DSCC1: variants seen among roughly 807,000 people sequenced by gnomAD.
DSCC1 encodes DNA replication and sister chromatid cohesion 1.
A neutral mutation model predicts 48.2 loss-of-function variants in DSCC1; 32 were observed. That is an observed-to-expected ratio of 0.66 (90% CI 0.50 to 0.89). The LOEUF is 0.89. Ranked by LOEUF, DSCC1 falls within the 40% of genes least tolerant of loss-of-function variation. DSCC1 has a pLI of 0.00. For missense variants in DSCC1, 421 were observed against 471.7 expected (o/e 0.89, Z 1.00); for synonymous variants, 150 against 171.5 (o/e 0.87, Z 0.98).
rs1388446229 is a variant in DSCC1, at chr8:119,850,312, G to T, written c.486+70C>A. ...ATATAACATAAATTTTAAAAAGTAA[G>T]AATGTGACTATTAAGTGCCTCTGAT... On this transcript the variant is annotated intron_variant, in intron 3 of 8. Transcript: ENST00000313655. 3 of 1,433,826 alleles carry T rather than the reference G, an allele frequency of 2.1e-6. No homozygotes were observed. In the African/African-American group the frequency reaches 4.4e-5, roughly 21 times the overall value. The allele number at this position is 1,433,826 out of a possible 1,614,324, so 88.8% of individuals were successfully genotyped here.
intron 5 of DSCC1, 134 bp from the exon 6 acceptor site, chr8:119,842,962 AT>A: frequency 1.4e-6 from 1 of 712,866 alleles, no homozygotes; most frequent in Non-Finnish European, 2.3e-6. Flanking sequence ...GCCAAATATT[AT>A]TTTATTTAAA....
At chr8:119,854,226 C>A (rs959077502) in intron 1 of DSCC1, among the ~76,000 whole-genome samples, 1 of 151,628 alleles carries the variant, frequency 6.6e-6, no homozygotes, top group Non-Finnish European at 1.5e-5. Context: ...TCCCACCACT[C>A]TCTCCCCAAA....
chr8:119,852,293 G>C (rs1406297506), intron 2 of DSCC1, among the ~76,000 whole-genome samples: 3 of 152,190 alleles, frequency 2.0e-5, no homozygotes, highest in Non-Finnish European at 2.9e-5. Context: ...CTTGGCTACA[G>C]ATATTAATGA....
chr8:119,844,381 G>C (rs1431181256), intron 4 of DSCC1, among the ~76,000 whole-genome samples: 1 of 149,372 alleles, frequency 6.7e-6, no homozygotes, highest in Non-Finnish European at 1.5e-5. Context: ...CGAGGTTGTA[G>C]TGAGCCAAGA....
Position 119,835,013 on chromosome 8 carries a change from A to G in DSCC1, c.1074-12T>C. 1 of 1,482,564 alleles carries G rather than the reference A, an allele frequency of 6.7e-7. No individual in the cohort carries two copies. Among genetic ancestry groups the G allele is most frequent in the East Asian group, 2.3e-5 (1 of 44,208 alleles). The allele number at this position is 1,482,564 out of a possible 1,614,324, so 91.8% of individuals were successfully genotyped here. On this transcript the variant is annotated splice_polypyrimidine_tract_variant and intron_variant, in intron 8 of 8. Coordinates refer to ENST00000313655, the MANE Select transcript of DSCC1 (RefSeq NM_024094.3). Reference sequence around the variant, plus strand: ...CTCCACACAAATCTCTGTAGGAACAATAAAAAATATATAACATGAATATTT... The same window carrying G: ...CTCCACACAAATCTCTGTAGGAACAGTAAAAAATATATAACATGAATATTT...
intron 4 of DSCC1, among the ~76,000 whole-genome samples, chr8:119,846,534 TC>T (rs758851305): frequency 4.6e-5 from 7 of 152,196 alleles, no homozygotes; most frequent in Non-Finnish European, 8.8e-5. Flanking sequence ...GAAATCTCTA[TC>T]CTACAACAAG....
chr8:119,855,815 G>C lies in DSCC1; in HGVS notation c.-20C>G. 6.9e-7 allele frequency: 1 copy of C among 1,444,180 alleles called. No homozygotes were observed. Among genetic ancestry groups the C allele is most frequent in the Non-Finnish European group, 9.1e-7 (1 of 1,098,884 alleles). The allele number at this position is 1,444,180 out of a possible 1,614,324, so 89.5% of individuals were successfully genotyped here. A position where few individuals can be genotyped will look rare whatever the true frequency, so the allele number is the denominator to read the frequency against. ...CTTCATCGCAGCGCCGGGTCTAGGA[G>C]TCCCGCCGCGCCCGGGTGGCTGCGG... On this transcript the variant is annotated 5_prime_UTR_variant, in exon 1 of 9. Transcript: ENST00000313655.
At position 119,855,777 on chromosome 8, in the gene DSCC1, C is replaced by G; in HGVS notation, c.19G>C (p.Glu7Gln). The part of the protein sequence containing the change: MKRTRD[E>Q]VDATLQIAKL... The stretch of plus-strand genomic sequence containing the variant: ...GCGATCTGCAGCGTCGCATCCACCT[C>G]GTCGCGGGTCCTCTTCATCGCAGCG... Residue 7 changes from glutamate to glutamine, a missense_variant, in exon 1 of 9, where the codon GAG becomes CAG. Around this residue, in one of 3 missense-constraint regions of DSCC1, gnomAD observed 174 missense variants for 184.5 expected, o/e 0.94. Transcript: ENST00000313655. The G allele has an allele frequency of 6.5e-7, 1 of 1,545,576 alleles. No individual in the cohort carries two copies. Among genetic ancestry groups the G allele is most frequent in the Admixed American group, 1.9e-5 (1 of 53,990 alleles).
At chr8:119,849,200 A>AG (rs1286299157) in intron 3 of DSCC1, among the ~76,000 whole-genome samples, 1 of 140,230 alleles carries the variant, frequency 7.1e-6, no homozygotes, top group East Asian at 2.1e-4. Flanking sequence ...AAAAAAAAAA[A>AG]AAAAAAGACT....
rs1232001002 is a variant in DSCC1 at position 119,853,109 on chromosome 8, C to G, written c.289G>C (p.Gly97Arg). 1.2e-6 allele frequency: 2 copies of G among 1,613,880 alleles called. No individual in the cohort carries two copies. Among genetic ancestry groups the G allele is most frequent in the Admixed American group, 3.3e-5 (2 of 59,996 alleles). The change falls in exon 2 of 9, where the codon GGT becomes CGT. Residue 97 changes from glycine to arginine, a missense_variant. By Grantham distance (125) the Gly-to-Arg change is moderately radical. Coordinates refer to ENST00000313655, the MANE Select transcript of DSCC1 (RefSeq NM_024094.3). ...DTSNMLLFIP[G>R]CKTPDQLKKE... is the part of the protein sequence containing the mutation. The stretch of plus-strand genomic sequence containing the variant: ...TTCAACTGGTCCGGAGTTTTACAAC[C>G]AGGAATGAAAAGCAACATATTGGAA...
At chr8:119,854,938 G>A (rs187370333) in intron 1 of DSCC1, among the ~76,000 whole-genome samples, 11 of 152,320 alleles carry the variant, frequency 7.2e-5, no homozygotes, top group Admixed American at 1.3e-4. Flanking sequence ...TATAGGTGTC[G>A]GAGGACCAAT....
chr8:119,846,666 C>G (rs192335685), intron 4 of DSCC1, among the ~76,000 whole-genome samples: 58 of 92,104 alleles, frequency 6.3e-4, no homozygotes, highest in East Asian at 2.6e-4. Context: ...TCAAGCAACT[C>G]TCGTACCTCA....
chr8:119,847,112 T>G, intron 3 of DSCC1, 32 bp from the exon 4 acceptor site: 14 of 1,521,850 alleles, frequency 9.2e-6, no homozygotes, highest in Non-Finnish European at 1.2e-5. Flanking sequence ...TTAAGGCCTT[T>G]GAAGAATATT....
intron 4 of DSCC1, among the ~76,000 whole-genome samples, chr8:119,845,658 A>AG: frequency 6.6e-6 from 1 of 151,692 alleles, no homozygotes; most frequent in South Asian, 2.1e-4. Context: ...AAAAAAAAAA[A>AG]AGCTTTAGGG....
At chr8:119,843,342 C>T (rs1002298985) in intron 5 of DSCC1, among the ~76,000 whole-genome samples, 4 of 152,086 alleles carry the variant, frequency 2.6e-5, no homozygotes, top group Non-Finnish European at 5.9e-5. Flanking sequence ...CCTGCCTCGG[C>T]CTCCCAAAGT....
intron 3 of DSCC1, among the ~76,000 whole-genome samples, chr8:119,848,950 C>T (rs13255707): frequency 3.2e-4 from 49 of 151,480 alleles, no homozygotes; most frequent in African/African-American, 1.1e-3. Context: ...TTTGGGAGGC[C>T]GAGGCGGGTG....
At chr8:119,845,797 A>C (rs1412194478) in intron 4 of DSCC1, among the ~76,000 whole-genome samples, 1 of 152,016 alleles carries the variant, frequency 6.6e-6, no homozygotes, top group African/African-American at 2.4e-5. Flanking sequence ...AAAAACACAA[A>C]AATTAGCTGG....
intron 3 of DSCC1, 145 bp downstream of exon 3, chr8:119,850,237 G>T: frequency 1.4e-6 from 1 of 702,290 alleles, no homozygotes; most frequent in Non-Finnish European, 2.2e-6. Flanking sequence ...TGTGCTTTGG[G>T]GTGTGCTTGA....
chr8:119,853,353 A>C, intron 1 of DSCC1, 138 bp from the exon 2 acceptor site: 1 of 917,172 alleles, frequency 1.1e-6, no homozygotes, highest in Non-Finnish European at 1.6e-6. Flanking sequence ...TGCTAGCACA[A>C]TGCTGGATTC....
Sources: gnomAD v4.1 joint callset for allele counts (sites outside exome capture counted in the v4.1 genomes callset) on GRCh38, gnomAD v4.1.1 for gene constraint, gnomAD v4.1.1 regional missense constraint, MANE v1.5 for transcripts, NCBI Gene and HGNC (gene_info 2026-07-23, HGNC 2026-07-21) for gene names.